The following PRKDC variants were observed in gnomAD, a reference collection of about 807,000 sequenced individuals.
PRKDC encodes the protein DNA-dependent protein kinase catalytic subunit.
PRKDC carries 82 observed loss-of-function variants against 486.9 expected under a neutral mutation model. The ratio of observed to expected loss-of-function variants is 0.17; its 90% confidence interval spans 0.14 to 0.20. The LOEUF is 0.20. Among genes scored for constraint, PRKDC ranks in the 10% least tolerant of loss-of-function variants. The probability of loss-of-function intolerance (pLI) is 1.00; values close to 1 mark genes in which losing one functional copy is unlikely to be tolerated. For missense variants in PRKDC, 4,504 were observed against 5,038.2 expected, an observed-to-expected ratio of 0.89 and a Z score of 3.21; for synonymous variants, 1,895 against 1,837.0, an observed-to-expected ratio of 1.03 and a Z score of -0.81.
At chr8:47,887,743 A>T in intron 34 of PRKDC, 38 bp from the exon 35 acceptor site, 1 of 1,549,634 alleles carries the variant, frequency 6.5e-7, no homozygotes, top group Non-Finnish European at 8.7e-7. Context: ...TAGCAAAAAG[A>T]TATTTCTTAG....
At chr8:47,892,658 T>G (rs772151043) in intron 31 of PRKDC, among the ~76,000 whole-genome samples, 5 of 152,126 alleles carry the variant, frequency 3.3e-5, no homozygotes, top group African/African-American at 4.8e-5. Flanking sequence ...GTACATCTTT[T>G]CATTAAAAAG....
At position 47,858,879 on chromosome 8, in the gene PRKDC, G is replaced by A; in HGVS notation, c.6315C>T (p.His2105=). The part of the protein sequence containing the change: ...APLTALVKHM[H]RSLGPPQGEE... ...CTCCTTGAGGCGGGCCCAGGCTTCT[G>A]TGCATGTGCTTGACCAGGGCCGTCA... Residue 2105 remains histidine (H), a synonymous_variant, in exon 47 of 86, where the codon CAC becomes CAT. Transcript: ENST00000314191. 6.2e-7 allele frequency: 1 copy of A among 1,613,914 alleles called. No homozygotes were observed. Among genetic ancestry groups the A allele is most frequent in the Non-Finnish European group, 8.5e-7 (1 of 1,179,886 alleles).
chr8:47,823,426 AAGCT>A (rs2154499099), intron 64 of PRKDC, among the ~76,000 whole-genome samples: 1 of 151,718 alleles, frequency 6.6e-6, no homozygotes, highest in Non-Finnish European at 1.5e-5. Flanking sequence ...CAATGCATAA[AAGCT>A]TCCCAAGGCC....
chr8:47,815,674 T>C (rs1056417735), intron 68 of PRKDC, among the ~76,000 whole-genome samples: 1 of 152,258 alleles, frequency 6.6e-6, no homozygotes, highest in Non-Finnish European at 1.5e-5. Context: ...GAAGGGTGCC[T>C]GCTTACAATA....
chr8:47,918,078 C>G (rs1422646088), intron 22 of PRKDC, among the ~76,000 whole-genome samples, 199 bp downstream of exon 22: 1 of 152,164 alleles, frequency 6.6e-6, no homozygotes, highest in Non-Finnish European at 1.5e-5. Context: ...AGCGATCCAC[C>G]CACCTCACCC....
At chr8:47,845,538 C>A (rs768547617) in intron 54 of PRKDC, among the ~76,000 whole-genome samples, 9 of 151,838 alleles carry the variant, frequency 5.9e-5, no homozygotes, top group African/African-American at 9.7e-5. Flanking sequence ...ATTAGGAAAC[C>A]TAGAGGAAAT....
chr8:47,847,651 GTTAAA>G (rs780852895), intron 54 of PRKDC, among the ~76,000 whole-genome samples: 4 of 152,082 alleles, frequency 2.6e-5, no homozygotes, highest in Admixed American at 6.6e-5. Flanking sequence ...GCAGGACCTA[GTTAAA>G]TTAAAGAGAT....
At chr8:47,911,959 G>A (rs576225800) in intron 25 of PRKDC, among the ~76,000 whole-genome samples, 4 of 151,952 alleles carry the variant, frequency 2.6e-5, no homozygotes, top group Admixed American at 1.3e-4. Flanking sequence ...TAGTAGAGAC[G>A]GGGGTTTTAT....
rs373058432 is a variant in PRKDC, at chr8:47,877,785, G to C, written c.5302C>G (p.Arg1768Gly). 2 of 1,598,428 alleles carry C rather than the reference G, an allele frequency of 1.3e-6. No homozygotes were observed. The highest frequency in any genetic ancestry group is 1.7e-6 in the Non-Finnish European group (2 of 1,171,642). ...TCTTCCATGACATGCTGCTGTTCCCGACAAAGAACTTCTGTCATCAATTCC... is the reference window on the plus strand; with the variant it reads ...TCTTCCATGACATGCTGCTGTTCCCCACAAAGAACTTCTGTCATCAATTCC... ...LLELMTEVLC[R>G]EQQHVMEELF... The change falls in exon 40 of 86, where the codon CGG becomes GGG. Residue 1768 changes from arginine (R) to glycine (G), a missense_variant. By Grantham distance (125) the Arg-to-Gly change is moderately radical (BLOSUM62 -2). This residue lies in a region of PRKDC where 1,969 missense variants were observed against 2,068.9 expected (regional missense o/e 0.95). Transcript: ENST00000314191.
chr8:47,959,961 G>C lies in PRKDC; in HGVS notation c.154+12C>G. On this transcript the variant is annotated intron_variant, in intron 1 of 85. Coordinates refer to ENST00000314191, the MANE Select transcript of PRKDC (RefSeq NM_006904.7). ...AGGACCCACCCGCGGCCCAGCTCGG[G>C]CCGGTACCCACCCAGCACCGCGGGG... The C allele has an allele frequency of 6.5e-7, 1 of 1,534,892 alleles. No homozygotes were observed. The highest frequency in any genetic ancestry group is 2.0e-5 in the Admixed American group (1 of 51,046).
At chr8:47,896,590 T>C (rs1394744913) in intron 30 of PRKDC, among the ~76,000 whole-genome samples, 2 of 147,216 alleles carry the variant, frequency 1.4e-5, no homozygotes, top group Non-Finnish European at 1.5e-5. Flanking sequence ...GAGCTTGCAG[T>C]GAGCTGAGAT....
At chr8:47,898,735 A>G (rs1285487571) in intron 28 of PRKDC, among the ~76,000 whole-genome samples, 166 bp from the exon 29 acceptor site, 1 of 152,266 alleles carries the variant, frequency 6.6e-6, no homozygotes, top group African/African-American at 2.4e-5. Flanking sequence ...TAAATGATTC[A>G]CACTGCATAT....
chr8:47,799,243 G>C lies in PRKDC; in HGVS notation c.10264C>G (p.Gln3422Glu), dbSNP rs970289440. 41 of 1,613,720 alleles carry C rather than the reference G, an allele frequency of 2.5e-5. No individual in the cohort carries two copies. Among genetic ancestry groups the C allele is most frequent in the Non-Finnish European group, 3.5e-5 (41 of 1,179,890 alleles). ...AYMTLADFCD[Q>E]QLRKEEENAS... ...TTCTCTTCCTCCTTGCGCAGCTGTT[G>C]GTCACAGAAATCTGCCAGCGTCATG... Residue 3422 changes from glutamine (Q) to glutamate (E), a missense_variant, in exon 72 of 86, where the codon CAA becomes GAA. Transcript: ENST00000314191.
At position 47,782,693 on chromosome 8, in the gene PRKDC, G is replaced by T; in HGVS notation, c.11176-95C>A. 7.3e-7 allele frequency: 1 copy of T among 1,362,138 alleles called. No individual in the cohort carries two copies. The highest frequency in any genetic ancestry group is 1.0e-6 in the Non-Finnish European group (1 of 1,000,840). 84.4% of individuals were successfully genotyped at this position (1,362,138 alleles called of 1,614,324 possible). A position where few individuals can be genotyped will look rare whatever the true frequency, so the allele number is the denominator to read the frequency against. On this transcript the variant is annotated intron_variant, in intron 78 of 85. Coordinates refer to ENST00000314191, the MANE Select transcript of PRKDC (RefSeq NM_006904.7). The surrounding 1 kb of genome is among the most constrained non-coding windows in gnomAD (Gnocchi z 4.9). Reference sequence around the variant, plus strand: ...GTGGCTGTGAGCATTCCTCCGTGGGGCCGCCCTCTGAAGACAGTGCCAAAG... The same window carrying T: ...GTGGCTGTGAGCATTCCTCCGTGGGTCCGCCCTCTGAAGACAGTGCCAAAG...
chr8:47,896,099 C>T (rs1383981147), intron 30 of PRKDC, among the ~76,000 whole-genome samples: 1 of 152,032 alleles, frequency 6.6e-6, no homozygotes, highest in Admixed American at 6.6e-5. Context: ...AATTAAAACA[C>T]AGATATACAT....
chr8:47,921,766 A>C (rs973009249), intron 21 of PRKDC, among the ~76,000 whole-genome samples: 1 of 152,178 alleles, frequency 6.6e-6, no homozygotes, highest in African/African-American at 2.4e-5. Context: ...AATAGTACAG[A>C]AATACAATTG....
chr8:47,809,662 T>G (rs978402363), intron 68 of PRKDC, among the ~76,000 whole-genome samples: 1 of 152,170 alleles, frequency 6.6e-6, no homozygotes, highest in African/African-American at 2.4e-5. Flanking sequence ...GAGAACCATC[T>G]TTTCTAAAAA....
At chr8:47,894,037 T>G (rs1307540404) in intron 30 of PRKDC, among the ~76,000 whole-genome samples, 1 of 151,990 alleles carries the variant, frequency 6.6e-6, no homozygotes, top group East Asian at 1.9e-4. Flanking sequence ...TCCCAGCACT[T>G]TGGGGGGCTG....
In PRKDC at chr8:47,886,001, T is replaced by C; in HGVS notation, c.4719A>G (p.Lys1573=). 6.2e-7 allele frequency: 1 copy of C among 1,613,944 alleles called. No homozygotes were observed. The highest frequency in any genetic ancestry group is 1.3e-5 in the African/African-American group (1 of 75,070). The change falls in exon 36 of 86, where the codon AAA becomes AAG. Residue 1573 remains lysine, a synonymous_variant. Transcript: ENST00000314191. ...GCTCCAATACAGCAAGATCCAGATT[T>C]TTCAATAATTCCGTGTTGATCGTTT... The part of the protein sequence containing the change: ...FSETINTELL[K]NLDLAVLELM...
Sources: gnomAD v4.1 joint callset for allele counts (sites outside exome capture counted in the v4.1 genomes callset) on GRCh38, gnomAD v4.1.1 for gene constraint, gnomAD v4.1.1 regional missense constraint, Gnocchi (gnomAD v3.1) non-coding constraint, MANE v1.5 for transcripts, NCBI Gene and HGNC (gene_info 2026-07-23, HGNC 2026-07-21) for gene names.